Variants in PARD3 observed in about 807,000 individuals in gnomAD.
The protein encoded by PARD3 is par-3 family cell polarity regulator.
A neutral mutation model predicts 155.4 loss-of-function variants in PARD3; 75 were observed. That is an observed-to-expected ratio of 0.48 (90% confidence interval 0.40 to 0.58). The LOEUF (loss-of-function observed/expected upper bound fraction) is 0.58. Among genes scored for constraint, PARD3 ranks in the 20% least tolerant of loss-of-function variants. The pLI is 0.00. For synonymous variants in PARD3, 576 were observed against 610.5 expected (o/e 0.94, Z 0.83); for missense variants, 1,642 against 1,721.7 (o/e 0.95, Z 0.82).
chr10:34,457,184 G>A (rs572682295), intron 4 of PARD3, among the ~76,000 whole-genome samples: 1 of 152,186 alleles, frequency 6.6e-6, no homozygotes, highest in African/African-American at 2.4e-5. Context: ...GAACATAAAG[G>A]GATCCAATAT....
chr10:34,725,984 A>G (rs1421982836), intron 1 of PARD3, among the ~76,000 whole-genome samples: 2 of 152,162 alleles, frequency 1.3e-5, no homozygotes, highest in Non-Finnish European at 2.9e-5. Context: ...ATGTCTTTAG[A>G]ATGCCATTTG....
intron 3 of PARD3, among the ~76,000 whole-genome samples, chr10:34,496,216 G>A (rs1455711068): frequency 2.2e-4 from 30 of 136,858 alleles, no homozygotes; most frequent in African/African-American, 7.9e-4. Context: ...AAGGGAAGAA[G>A]AAGAAAAAAA....
chr10:34,163,011 T>C (rs1949357101), intron 22 of PARD3, among the ~76,000 whole-genome samples: 1 of 152,162 alleles, frequency 6.6e-6, no homozygotes, highest in South Asian at 2.1e-4. Context: ...TCTATACATA[T>C]AGGTAGATTA....
intron 2 of PARD3, among the ~76,000 whole-genome samples, chr10:34,551,677 G>A (rs1189352128): frequency 6.6e-6 from 1 of 152,210 alleles, no homozygotes; most frequent in East Asian, 1.9e-4. Context: ...CAGCAATTAA[G>A]CATAGGTTCC....
At chr10:34,111,620 A>G in intron 24 of PARD3, 58 bp from the exon 25 acceptor site, 1 of 1,416,384 alleles carries the variant, frequency 7.1e-7, no homozygotes, top group Non-Finnish European at 9.7e-7. Flanking sequence ...GAGAGGGAGG[A>G]AAGGGGGCAG....
chr10:34,780,571 C>T lies in PARD3; in HGVS notation c.120+34305G>A, dbSNP rs770266219. ...GAGTCACAATAGGAGGAAATCGTGC[C>T]CTGCTGTTAAAACTCTACCAGAATT... is the stretch of plus-strand genomic sequence containing the variant. On this transcript the variant is annotated intron_variant, in intron 1 of 24. Coordinates refer to ENST00000374788, the MANE Select transcript of PARD3 (RefSeq NM_001184785.2). 3.1e-4 allele frequency among the ~76,000 whole-genome samples: 47 copies of T among 152,112 alleles called. 1 individual carries two copies. The highest frequency in any genetic ancestry group is 5.2e-4 in the Admixed American group (8 of 15,276).
At chr10:34,561,527 AT>A (rs1475007259) in intron 2 of PARD3, among the ~76,000 whole-genome samples, 2 of 150,528 alleles carry the variant, frequency 1.3e-5, no homozygotes, top group African/African-American at 2.4e-5. Flanking sequence ...TAATTTATTT[AT>A]TTTTTTTTGA....
chr10:34,185,573 G>A (rs542590854), intron 22 of PARD3, among the ~76,000 whole-genome samples: 51 of 151,872 alleles, frequency 3.4e-4, no homozygotes, highest in African/African-American at 1.2e-3. Flanking sequence ...ACAGTTACTG[G>A]ATATTTATTG....
At chr10:34,484,237 T>C (rs905718358) in intron 3 of PARD3, among the ~76,000 whole-genome samples, 1 of 152,234 alleles carries the variant, frequency 6.6e-6, no homozygotes, top group Non-Finnish European at 1.5e-5. Flanking sequence ...CCAACACATG[T>C]TCATGAATGA....
intron 14 of PARD3, 48 bp from the exon 15 acceptor site, chr10:34,348,163 C>A: frequency 6.6e-7 from 1 of 1,514,700 alleles, no homozygotes; most frequent in Non-Finnish European, 8.9e-7. Flanking sequence ...TACCTGGAGG[C>A]CAATTAGCAG....
intron 3 of PARD3, among the ~76,000 whole-genome samples, chr10:34,510,072 T>G (rs1564793338): frequency 6.6e-6 from 1 of 152,242 alleles, no homozygotes; most frequent in Admixed American, 6.5e-5. Flanking sequence ...AGCATTTAAC[T>G]TGGAGGGAAT....
intron 20 of PARD3, among the ~76,000 whole-genome samples, chr10:34,302,474 C>T (rs2570334): frequency 0.68 from 103,377 of 151,994 alleles, 36,189 homozygotes; most frequent in African/African-American, 0.85. Flanking sequence ...TGGCCCCACA[C>T]ACAAGGCTGG....
intron 12 of PARD3, among the ~76,000 whole-genome samples, chr10:34,370,394 C>T (rs897485926): frequency 4.6e-5 from 7 of 152,086 alleles, no homozygotes; most frequent in African/African-American, 1.7e-4. Flanking sequence ...GAATTCACAG[C>T]CGATCATCAG....
chr10:34,393,027 T>C (rs1447678036), intron 7 of PARD3, among the ~76,000 whole-genome samples: 1 of 151,822 alleles, frequency 6.6e-6, no homozygotes, highest in Non-Finnish European at 1.5e-5. Flanking sequence ...CATGCTACAA[T>C]GGCAGATTTT....
At chr10:34,346,218 T>C (rs1837408011) in intron 15 of PARD3, 3 of 1,153,250 alleles carry the variant, frequency 2.6e-6, no homozygotes, top group Non-Finnish European at 2.2e-6. Flanking sequence ...AGAGGACTAA[T>C]GAAGCTGTAG....
chr10:34,665,806 C>T (rs1360989874), intron 2 of PARD3, among the ~76,000 whole-genome samples: 1 of 147,392 alleles, frequency 6.8e-6, no homozygotes, highest in Non-Finnish European at 1.5e-5. Flanking sequence ...CCACTGCACT[C>T]CAGCCTGGGC....
chr10:34,154,656 G>A (rs1175340070), intron 22 of PARD3, among the ~76,000 whole-genome samples: 1 of 152,174 alleles, frequency 6.6e-6, no homozygotes, highest in Admixed American at 6.5e-5. Context: ...TCCCCAGACA[G>A]TGCCCTCATC....
chr10:34,759,004 A>G lies in PARD3; in HGVS notation c.120+55872T>C, dbSNP rs80306856. ...GCACAAAAAGAATAGAAAGAGGCGG[A>G]AGGAAAAAGCTACAGAATCATAGGC... is the stretch of plus-strand genomic sequence containing the variant. On this transcript the variant is annotated intron_variant, in intron 1 of 24. Transcript: ENST00000374788. 2.8e-3 allele frequency among the ~76,000 whole-genome samples: 434 copies of G among 152,318 alleles called. 1 individual carries two copies. The highest frequency in any genetic ancestry group is 9.7e-3 in the African/African-American group (404 of 41,562).
At chr10:34,681,778 T>A (rs1380473604) in intron 2 of PARD3, among the ~76,000 whole-genome samples, 205 of 69,724 alleles carry the variant, frequency 2.9e-3, no homozygotes, top group Non-Finnish European at 3.7e-3. Flanking sequence ...ATTTTTTTTT[T>A]TTTTTTTTTT....
Sources: gnomAD v4.1 joint callset for allele counts (sites outside exome capture counted in the v4.1 genomes callset) on GRCh38, gnomAD v4.1.1 for gene constraint, MANE v1.5 for transcripts, NCBI Gene and HGNC (gene_info 2026-07-23, HGNC 2026-07-21) for gene names.